The following ADCY2 variants were observed in gnomAD, a reference collection of about 807,000 sequenced individuals.
ADCY2 encodes the protein adenylate cyclase type 2.
In ADCY2, 31 loss-of-function variants were observed where a neutral mutation model predicts 125.2. That is an observed-to-expected ratio of 0.25 (90% CI 0.19 to 0.33). ADCY2 has a LOEUF of 0.33. Among genes scored for constraint, ADCY2 ranks in the 10% least tolerant of loss-of-function variants. ADCY2 has a pLI of 1.00. For missense variants in ADCY2, 904 were observed against 1,418.2 expected, an observed-to-expected ratio of 0.64 and a Z score of 5.82; for synonymous variants, 512 against 548.4, an observed-to-expected ratio of 0.93 and a Z score of 0.93.
At chr5:7,742,834 A>G (rs1251756822) in intron 14 of ADCY2, among the ~76,000 whole-genome samples, 1 of 151,976 alleles carries the variant, frequency 6.6e-6, no homozygotes, top group Non-Finnish European at 1.5e-5. Context: ...AGCCAACCTC[A>G]TTGGCATGAG....
chr5:7,666,052 A>C (rs987253675), intron 4 of ADCY2, among the ~76,000 whole-genome samples: 1 of 150,540 alleles, frequency 6.6e-6, no homozygotes, highest in Non-Finnish European at 1.5e-5. Flanking sequence ...GTTAGCCAGG[A>C]TGGTCTCGAT....
intron 4 of ADCY2, among the ~76,000 whole-genome samples, chr5:7,654,964 T>C (rs1384406960): frequency 1.3e-5 from 2 of 152,170 alleles, no homozygotes; most frequent in Admixed American, 1.3e-4. Context: ...CTAGAGGATG[T>C]GACTGGCTGA....
At chr5:7,751,350 C>T (rs1742808783) in intron 15 of ADCY2, among the ~76,000 whole-genome samples, 1 of 152,156 alleles carries the variant, frequency 6.6e-6, no homozygotes, top group East Asian at 1.9e-4. Context: ...TTGATTCTTC[C>T]TCATATGGTC....
At chr5:7,741,078 C>T (rs1365792505) in intron 14 of ADCY2, among the ~76,000 whole-genome samples, 1 of 151,812 alleles carries the variant, frequency 6.6e-6, no homozygotes, top group African/African-American at 2.4e-5. Context: ...TAAGAAATTA[C>T]AAATATGGAG....
intron 5 of ADCY2, chr5:7,692,059 G>A (rs1561169887): frequency 6.6e-6 from 1 of 152,146 alleles, no homozygotes; most frequent in Non-Finnish European, 1.5e-5. Flanking sequence ...CCAACACTGG[G>A]GATTACAATT....
At chr5:7,593,804 G>GAA (rs200781494) in intron 3 of ADCY2, among the ~76,000 whole-genome samples, 1 of 148,062 alleles carries the variant, frequency 6.8e-6, no homozygotes, top group South Asian at 2.1e-4. Flanking sequence ...AGACAAACGT[G>GAA]AAAAAAAAAA....
At chr5:7,665,731 T>G (rs1190717646) in intron 4 of ADCY2, among the ~76,000 whole-genome samples, 3 of 151,900 alleles carry the variant, frequency 2.0e-5, no homozygotes, top group Admixed American at 6.6e-5. Flanking sequence ...TTCCTTGTAT[T>G]TCAGCTGCTG....
At chr5:7,722,818 G>A (rs905417581) in intron 12 of ADCY2, among the ~76,000 whole-genome samples, 1 of 151,590 alleles carries the variant, frequency 6.6e-6, no homozygotes, top group South Asian at 2.1e-4. Flanking sequence ...AAATTAACCG[G>A]GCATGCTGGT....
intron 4 of ADCY2, among the ~76,000 whole-genome samples, chr5:7,663,465 C>T (rs1439052344): frequency 6.6e-6 from 1 of 152,266 alleles, no homozygotes; most frequent in Non-Finnish European, 1.5e-5. Context: ...AGCCTCAGTG[C>T]CCACCAACAG....
chr5:7,697,811 G>C (rs532058608), intron 6 of ADCY2, among the ~76,000 whole-genome samples: 1 of 152,208 alleles, frequency 6.6e-6, no homozygotes, highest in East Asian at 1.9e-4. Context: ...ATAAATAAAA[G>C]AAACCATAAG....
intron 4 of ADCY2, among the ~76,000 whole-genome samples, chr5:7,627,785 T>C (rs1029802875): frequency 2.1e-4 from 32 of 152,212 alleles, no homozygotes; most frequent in African/African-American, 7.5e-4. Context: ...AGGATATTAG[T>C]TCATTCATTC....
intron 14 of ADCY2, among the ~76,000 whole-genome samples, chr5:7,738,573 A>G (rs1168528209): frequency 6.6e-6 from 1 of 152,006 alleles, no homozygotes; most frequent in Non-Finnish European, 1.5e-5. Flanking sequence ...TTCAAACATT[A>G]TAAATGGGAA....
intron 3 of ADCY2, among the ~76,000 whole-genome samples, chr5:7,610,429 G>A (rs1042829822): frequency 6.6e-6 from 1 of 152,120 alleles, no homozygotes; most frequent in Non-Finnish European, 1.5e-5. Context: ...GAGAGAGTAG[G>A]AAGGAGACAT....
At chr5:7,726,003 A>G (rs1741918959) in intron 13 of ADCY2, among the ~76,000 whole-genome samples, 2 of 152,222 alleles carry the variant, frequency 1.3e-5, no homozygotes, top group Non-Finnish European at 1.5e-5. Context: ...CCGTCAGAGC[A>G]TGAGGTAGGG....
At chr5:7,589,127 A>C (rs1185586115) in intron 3 of ADCY2, among the ~76,000 whole-genome samples, 1 of 152,184 alleles carries the variant, frequency 6.6e-6, no homozygotes, top group Non-Finnish European at 1.5e-5. Context: ...CTTAATAGCC[A>C]CTTGATAATT....
At chr5:7,400,593 G>C (rs1193072979) in intron 1 of ADCY2, among the ~76,000 whole-genome samples, 1 of 152,178 alleles carries the variant, frequency 6.6e-6, no homozygotes, top group Non-Finnish European at 1.5e-5. Context: ...CTTCCTTGGG[G>C]GTTGAAGGAT....
chr5:7,536,994 A>T lies in ADCY2; in HGVS notation c.570+16095A>T, dbSNP rs1430721460. On this transcript the variant is annotated intron_variant, in intron 3 of 24. Transcript: ENST00000338316. The stretch of plus-strand genomic sequence containing the variant: ...CAAAATTTGACTTAAAGTAATCAAT[A>T]AATCACAGTTATTTACTGTCTTTAA... Among the ~76,000 whole-genome samples, 9 of 149,130 alleles carry T rather than the reference A, an allele frequency of 6.0e-5. No individual in the cohort carries two copies. In the Admixed American group the frequency reaches 6.2e-4, roughly 10 times the overall value.
Position 7,396,389 on chromosome 5 carries a change from C to A in ADCY2, c.93C>A (p.Asp31Glu). ...GAGACGGGCTGCCGCGGTCCCGGGA[C>A]TGGCTCTACGAGTCCTACTACTGCA... ...GGGDGLPRSR[D>E]WLYESYYCMS... Residue 31 changes from aspartate (D) to glutamate (E), a missense_variant, in exon 1 of 25, where the codon GAC becomes GAA. Around this residue, in one of 7 missense-constraint regions of ADCY2, gnomAD observed 113 missense variants for 108.0 expected, o/e 1.05. Coordinates refer to ENST00000338316, the MANE Select transcript of ADCY2 (RefSeq NM_020546.3). This position sits in a 1 kb window ranked among gnomAD's most constrained non-coding sequence, Gnocchi z 5.7. The A allele has an allele frequency of 6.4e-7, 1 of 1,567,216 alleles. No individual in the cohort carries two copies. The highest frequency in any genetic ancestry group is 8.6e-7 in the Non-Finnish European group (1 of 1,157,866).
chr5:7,509,644 C>T (rs1261704491), intron 2 of ADCY2, among the ~76,000 whole-genome samples: 7 of 152,144 alleles, frequency 4.6e-5, no homozygotes, highest in African/African-American at 9.7e-5. Context: ...ATGATTTGAT[C>T]GTTACTCTTT....
Sources: allele counts gnomAD v4.1 joint callset (sites outside exome capture counted in the v4.1 genomes callset), GRCh38; gene constraint gnomAD v4.1.1; regional missense constraint gnomAD v4.1.1; non-coding constraint Gnocchi (gnomAD v3.1); transcripts MANE v1.5; gene names NCBI Gene and HGNC (gene_info 2026-07-23, HGNC 2026-07-21).